EI24: variants seen among roughly 807,000 people sequenced by gnomAD.
EI24 encodes etoposide-induced protein 2.4 homolog.
EI24 carries 21 observed loss-of-function variants against 48.6 expected under a neutral mutation model. That is an observed-to-expected ratio of 0.43 (90% CI 0.31 to 0.62). EI24 has a LOEUF of 0.62. Among genes scored for constraint, EI24 ranks in the 20% least tolerant of loss-of-function variants. The pLI, the probability that EI24 is intolerant of heterozygous loss-of-function variation, is 0.10. For synonymous variants in EI24, 114 were observed against 145.5 expected, an observed-to-expected ratio of 0.78 and a Z score of 1.56; for missense variants, 280 against 410.5, an observed-to-expected ratio of 0.68 and a Z score of 2.75.
chr11:125,579,142 A>G (rs1466926504), intron 7 of EI24, 74 bp downstream of exon 7: 2 of 1,408,854 alleles, frequency 1.4e-6, no homozygotes, highest in African/African-American at 2.9e-5. Flanking sequence ...GAACTTCACA[A>G]AGACAGAGTA....
At chr11:125,580,285 T>G in intron 8 of EI24, 81 bp downstream of exon 8, 1 of 1,035,814 alleles carries the variant, frequency 9.7e-7, no homozygotes, top group Non-Finnish European at 1.5e-6. Context: ...AAACTACTCA[T>G]AGTCAGGCTT....
intron 5 of EI24, 144 bp downstream of exon 5, chr11:125,577,714 T>G: frequency 1.5e-6 from 1 of 686,370 alleles, no homozygotes; most frequent in South Asian, 2.3e-5. Context: ...TTTTAAAAAT[T>G]TATATTTCGT....
In EI24 at chr11:125,580,204, G is replaced by A; in HGVS notation, c.673G>A (p.Gly225Arg). 1 of 1,603,938 alleles carries A rather than the reference G, an allele frequency of 6.2e-7. No individual in the cohort carries two copies. Among genetic ancestry groups the A allele is most frequent in the Non-Finnish European group, 8.5e-7 (1 of 1,170,978 alleles). The change falls in exon 8 of 11, where the codon GGA becomes AGA. Residue 225 changes from glycine to arginine, a missense_variant and splice_region_variant. Gly to Arg is a moderately radical substitution (Grantham distance 125). Coordinates refer to ENST00000278903, the MANE Select transcript of EI24 (RefSeq NM_004879.5). Reference sequence around the variant, plus strand: ...CTTTGAATATCGTTGGTTCAATAAAGGTAAGTCCATCTAAAGAAATCCAGA... The same window carrying A: ...CTTTGAATATCGTTGGTTCAATAAAAGTAAGTCCATCTAAAGAAATCCAGA... ...YCFEYRWFNKGIEMHQRLSNI... is the reference protein window; with the variant it reads ...YCFEYRWFNKRIEMHQRLSNI...
At chr11:125,581,466 G>T in intron 9 of EI24, 144 bp downstream of exon 9, 1 of 392,530 alleles carries the variant, frequency 2.5e-6, no homozygotes. Context: ...ACATTTGTTA[G>T]CATGAAGATC....
Position 125,576,078 on chromosome 11 carries a change from C to T in EI24, c.189-177C>T, listed in dbSNP as rs1591356347. 22 of 653,846 alleles carry T rather than the reference C, an allele frequency of 3.4e-5. No individual in the cohort carries two copies. In the East Asian group the frequency reaches 6.2e-4, roughly 18 times the overall value. The allele number at this position is 653,846 out of a possible 1,614,324, so 40.5% of individuals were successfully genotyped here. On this transcript the variant is annotated intron_variant, in intron 3 of 10. Coordinates refer to ENST00000278903, the MANE Select transcript of EI24 (RefSeq NM_004879.5). ...GTGTTAGGATTACAGCCGTGAGCCA[C>T]TGCGCTTGACCATTTTTTTAGTCTT... is the stretch of plus-strand genomic sequence containing the variant.
At chr11:125,576,399 C>A in intron 4 of EI24, 84 bp downstream of exon 4, 3 of 1,226,094 alleles carry the variant, frequency 2.4e-6, no homozygotes, top group Non-Finnish European at 3.6e-6. Flanking sequence ...TCTTGAAACA[C>A]TGAGACAAAT....
At chr11:125,569,685 C>A (rs1000003307) in intron 1 of EI24, 112 bp downstream of exon 1, 1 of 317,990 alleles carries the variant, frequency 3.1e-6, no homozygotes, top group Admixed American at 5.0e-5. Context: ...GGGCTACCGG[C>A]GAGGACCCCT....
chr11:125,576,726 T>C (rs572516903), intron 4 of EI24, among the ~76,000 whole-genome samples: 1 of 152,340 alleles, frequency 6.6e-6, no homozygotes, highest in South Asian at 2.1e-4. Flanking sequence ...TTGAAACCTA[T>C]AGCAGAAAAG....
At chr11:125,571,238 G>C (rs1250016645) in intron 1 of EI24, among the ~76,000 whole-genome samples, 2 of 152,144 alleles carry the variant, frequency 1.3e-5, no homozygotes, top group Non-Finnish European at 2.9e-5. Context: ...TTGTATTATG[G>C]TCATACCTCT....
intron 9 of EI24, 128 bp downstream of exon 9, chr11:125,581,450 A>T: frequency 2.6e-6 from 1 of 385,856 alleles, no homozygotes. Flanking sequence ...CCTGCAGGGT[A>T]TTTCTACATT....
intron 1 of EI24, among the ~76,000 whole-genome samples, chr11:125,571,342 T>A (rs1321909911): frequency 6.6e-6 from 1 of 152,204 alleles, no homozygotes. Flanking sequence ...TTTCTATTCA[T>A]CTTAGAAGTC....
intron 3 of EI24, 70 bp downstream of exon 3, chr11:125,575,478 A>T: frequency 7.1e-7 from 1 of 1,407,024 alleles, no homozygotes; most frequent in African/African-American, 1.4e-5. Context: ...TTGATGTTTC[A>T]GTGCCATTTT....
In EI24 at chr11:125,579,177, A is replaced by G. The variant is rs1215894809; in HGVS notation, c.561+109A>G. ...ATTATATTTATACAGAGTATTATAT[A>G]TATGCTGGTGGGAGGTAATGATTTT... On this transcript the variant is annotated intron_variant, in intron 7 of 10. Transcript: ENST00000278903. 4 of 968,988 alleles carry G rather than the reference A, an allele frequency of 4.1e-6. No individual in the cohort carries two copies. The East Asian group carries it at 9.3e-5, about 22-fold the overall frequency. 60.0% of individuals were successfully genotyped at this position (968,988 alleles called of 1,614,324 possible).
At position 125,578,932 on chromosome 11, in the gene EI24, C is replaced by G; in HGVS notation, c.442-17C>G. ...AGGCCATTTAATTCATGTTTTGGTA[C>G]ACTTTCTCTGTTACAGGATATAGCT... On this transcript the variant is annotated splice_polypyrimidine_tract_variant and intron_variant, in intron 6 of 10. Coordinates refer to ENST00000278903, the MANE Select transcript of EI24 (RefSeq NM_004879.5). 1 of 1,563,526 alleles carries G rather than the reference C, an allele frequency of 6.4e-7. No homozygotes were observed. Among genetic ancestry groups the G allele is most frequent in the Non-Finnish European group, 8.7e-7 (1 of 1,152,774 alleles).
chr11:125,580,332 G>A, intron 8 of EI24, 128 bp downstream of exon 8: 1 of 708,620 alleles, frequency 1.4e-6, no homozygotes, highest in South Asian at 1.7e-5. Context: ...AGCCTCATTG[G>A]CAAGAGGGAG....
intron 4 of EI24, 135 bp from the exon 5 acceptor site, chr11:125,577,369 A>G (rs1938791767): frequency 1.3e-6 from 1 of 779,428 alleles, no homozygotes; most frequent in South Asian, 1.7e-5. Flanking sequence ...ACCACCGCGC[A>G]TGAGCCACCG....
At chr11:125,582,250 A>C in intron 9 of EI24, 96 bp from the exon 10 acceptor site, 1 of 1,156,222 alleles carries the variant, frequency 8.6e-7, no homozygotes, top group Non-Finnish European at 1.2e-6. Context: ...TAATGTTTAC[A>C]CTGGAAGCAA....
chr11:125,576,501 A>G (rs916794134), intron 4 of EI24, among the ~76,000 whole-genome samples, 186 bp downstream of exon 4: 2 of 152,254 alleles, frequency 1.3e-5, no homozygotes, highest in South Asian at 4.1e-4. Flanking sequence ...GCACACTTAT[A>G]TGTAAGCAAA....
At chr11:125,581,664 A>C (rs2135873147) in intron 9 of EI24, among the ~76,000 whole-genome samples, 1 of 144,282 alleles carries the variant, frequency 6.9e-6, no homozygotes, top group East Asian at 2.1e-4. Context: ...CTCCTGCCTC[A>C]GCCTCCCAAG....
Sources: gnomAD v4.1 joint callset for allele counts (sites outside exome capture counted in the v4.1 genomes callset) on GRCh38, gnomAD v4.1.1 for gene constraint, MANE v1.5 for transcripts, NCBI Gene and HGNC (gene_info 2026-07-23, HGNC 2026-07-21) for gene names.